CACNA1C: variants seen among roughly 807,000 people sequenced by gnomAD.
The protein encoded by CACNA1C is voltage-dependent L-type calcium channel subunit alpha-1C.
A neutral mutation model predicts 229.0 loss-of-function variants in CACNA1C; 30 were observed. That is an observed-to-expected ratio of 0.13 (90% CI 0.10 to 0.18). The LOEUF (loss-of-function observed/expected upper bound fraction) is 0.18. Ranked by LOEUF, CACNA1C falls within the 10% of genes least tolerant of loss-of-function variation. The pLI is 1.00. For synonymous variants in CACNA1C, 1,114 were observed against 1,132.5 expected (o/e 0.98, Z 0.33); for missense variants, 1,658 against 2,845.0 (o/e 0.58, Z 9.49).
At chr12:2,441,074 GTTA>G (rs1159655722) in intron 3 of CACNA1C, among the ~76,000 whole-genome samples, 2 of 152,208 alleles carry the variant, frequency 1.3e-5, no homozygotes, top group Non-Finnish European at 2.9e-5. Context: ...TGCTTGAGGT[GTTA>G]TTATTGTGTT....
intron 1 of CACNA1C, among the ~76,000 whole-genome samples, chr12:2,096,556 T>TA (rs1387482309): frequency 6.6e-6 from 1 of 152,240 alleles, no homozygotes; most frequent in African/African-American, 2.4e-5. Context: ...TAAAACACAT[T>TA]AAATTGAGGT....
rs186295534 is a variant in CACNA1C at position 2,281,283 on chromosome 12, A to G, written c.477+160853A>G. ...TTGTGCATTTGTTCTAAACCTCACA[A>G]TACATTGTTACTATTTTTGTTTAGG... is the stretch of plus-strand genomic sequence containing the variant. On this transcript the variant is annotated intron_variant, in intron 3 of 46. Transcript: ENST00000399655. 2.0e-3 allele frequency among the ~76,000 whole-genome samples: 310 copies of G among 152,196 alleles called. 6 individuals carry two copies. The highest frequency in any genetic ancestry group is 2.7e-3 in the Non-Finnish European group (181 of 68,000).
intron 3 of CACNA1C, among the ~76,000 whole-genome samples, chr12:2,141,922 A>G (rs1262507776): frequency 6.6e-6 from 1 of 151,280 alleles, no homozygotes; most frequent in African/African-American, 2.4e-5. Context: ...TGAGGATACC[A>G]TAAAGCGGAA....
intron 37 of CACNA1C, among the ~76,000 whole-genome samples, chr12:2,667,176 G>C (rs185326320): frequency 5.4e-4 from 78 of 143,752 alleles, no homozygotes; most frequent in African/African-American, 2.1e-3. Flanking sequence ...AAAATACAAA[G>C]TTTACCAGGG....
intron 29 of CACNA1C, among the ~76,000 whole-genome samples, chr12:2,615,944 C>T (rs1197792396): frequency 3.3e-5 from 5 of 152,214 alleles, no homozygotes; most frequent in African/African-American, 4.8e-5. Flanking sequence ...AACTCCTCCC[C>T]TCCACACAGG....
intron 3 of CACNA1C, among the ~76,000 whole-genome samples, chr12:2,151,909 G>T (rs1436324757): frequency 6.6e-6 from 1 of 152,216 alleles, no homozygotes; most frequent in Non-Finnish European, 1.5e-5. Context: ...AGCTAGTGCT[G>T]CCCCAGGGAC....
intron 3 of CACNA1C, among the ~76,000 whole-genome samples, chr12:2,366,549 CT>C (rs1165338259): frequency 6.6e-6 from 1 of 152,138 alleles, no homozygotes; most frequent in Non-Finnish European, 1.5e-5. Flanking sequence ...TTGTTTTGAA[CT>C]TTGTAAATTA....
rs866114756 is a variant in CACNA1C at position 1,999,718 on chromosome 12, C to T, written c.139+28517C>T. ...TCCAGCCTGGGCAACAGAGGGAGACCCTGTTTCTTATAAATAAATAAATAA... is the reference window on the plus strand; with the variant it reads ...TCCAGCCTGGGCAACAGAGGGAGACTCTGTTTCTTATAAATAAATAAATAA... On this transcript the variant is annotated intron_variant, in intron 1 of 46. Coordinates refer to the CACNA1C transcript ENST00000682462. Among the ~76,000 whole-genome samples, 10 of 152,122 alleles carry T rather than the reference C, an allele frequency of 6.6e-5. No individual in the cohort carries two copies. In the Middle Eastern group the frequency reaches 0.024, roughly 362 times the overall value.
chr12:2,685,726 T>C lies in CACNA1C; in HGVS notation c.5574-10T>C, dbSNP rs1224174182. On this transcript the variant is annotated splice_polypyrimidine_tract_variant and intron_variant, in intron 43 of 46. Transcript: ENST00000399655. ...CTCCAGGAACAAGCCCCATGAGCTC[T>C]CTGTTCCAGGCTCTCCTACCAGGAT... The C allele has an allele frequency of 6.2e-7, 1 of 1,607,622 alleles. No individual in the cohort carries two copies. The highest frequency in any genetic ancestry group is 1.1e-5 in the South Asian group (1 of 90,940).
chr12:2,326,775 G>C (rs73605755), intron 3 of CACNA1C, among the ~76,000 whole-genome samples: 4,825 of 152,292 alleles, frequency 0.032, 172 homozygotes, highest in African/African-American at 0.082. Flanking sequence ...CGTGATACTT[G>C]ATCGATCTCT....
chr12:2,179,972 G>T (rs1266941786), intron 3 of CACNA1C, among the ~76,000 whole-genome samples: 3 of 152,192 alleles, frequency 2.0e-5, no homozygotes, highest in African/African-American at 7.2e-5. Flanking sequence ...AAAATTTTCT[G>T]AGCTTGGTCC....
chr12:2,447,908 G>T (rs562431559), intron 3 of CACNA1C, among the ~76,000 whole-genome samples: 1 of 152,372 alleles, frequency 6.6e-6, no homozygotes, highest in East Asian at 1.9e-4. Flanking sequence ...GGACAGGCCC[G>T]CCGCACTCTG....
chr12:2,313,904 A>G (rs1395968791), intron 3 of CACNA1C, among the ~76,000 whole-genome samples: 1 of 152,200 alleles, frequency 6.6e-6, no homozygotes, highest in Non-Finnish European at 1.5e-5. Context: ...GGAAATAATT[A>G]CCAGCAAAGC....
Position 2,648,488 on chromosome 12 carries a change from C to T in CACNA1C, c.3926C>T (p.Thr1309Ile). ...CTTTCTTTAAAGCCAGCTGAACATA[C>T]CCAATGCTCTCCCTCTATGGTAAGA... Reference protein sequence around the residue: ...AITEVNPAEHTQCSPSMNAEE... With the variant: ...AITEVNPAEHIQCSPSMNAEE... Residue 1309 changes from threonine to isoleucine, a missense_variant, in exon 31 of 47, where the codon ACC becomes ATC. Physicochemically the swap from Thr to Ile is moderately conservative, Grantham distance 89. Around this residue, in one of 20 missense-constraint regions of CACNA1C, gnomAD observed 38 missense variants for 53.3 expected, o/e 0.71. Coordinates refer to ENST00000399655, the MANE Select transcript of CACNA1C (RefSeq NM_000719.7). 1 of 1,613,914 alleles carries T rather than the reference C, an allele frequency of 6.2e-7. No homozygotes were observed. Among genetic ancestry groups the T allele is most frequent in the African/African-American group, 1.3e-5 (1 of 75,046 alleles).
chr12:2,427,628 T>G (rs2099045035), intron 3 of CACNA1C, among the ~76,000 whole-genome samples: 1 of 152,172 alleles, frequency 6.6e-6, no homozygotes, highest in African/African-American at 2.4e-5. Flanking sequence ...ATTTTTATTT[T>G]TTTATTTTTT....
chr12:2,572,975 TCC>T (rs2056948401), intron 13 of CACNA1C, among the ~76,000 whole-genome samples: 2 of 144,166 alleles, frequency 1.4e-5, no homozygotes, highest in Admixed American at 1.4e-4. Flanking sequence ...CTCCTCCTCC[TCC>T]TCCTGTCCTC....
intron 5 of CACNA1C, among the ~76,000 whole-genome samples, chr12:2,461,484 G>A (rs1011241372): frequency 2.6e-5 from 4 of 152,112 alleles, no homozygotes; most frequent in Non-Finnish European, 5.9e-5. Flanking sequence ...CCAGCCTCCT[G>A]GTGTTAAATA....
chr12:2,436,866 C>G (rs1445443708), intron 3 of CACNA1C, among the ~76,000 whole-genome samples: 1 of 152,224 alleles, frequency 6.6e-6, no homozygotes, highest in East Asian at 1.9e-4. Context: ...ACTGCTTCCC[C>G]CAGGACCTCA....
intron 4 of CACNA1C, among the ~76,000 whole-genome samples, chr12:2,451,672 G>T (rs1370193010): frequency 6.6e-6 from 1 of 152,138 alleles, no homozygotes; most frequent in Non-Finnish European, 1.5e-5. Flanking sequence ...GGTCTGTCTG[G>T]ACCCGCTTCA....
Sources: allele counts gnomAD v4.1 joint callset (sites outside exome capture counted in the v4.1 genomes callset), GRCh38; gene constraint gnomAD v4.1.1; regional missense constraint gnomAD v4.1.1; transcripts MANE v1.5; gene names NCBI Gene and HGNC (gene_info 2026-07-23, HGNC 2026-07-21).